POU6F2: variants seen among roughly 807,000 people sequenced by gnomAD.
POU6F2 encodes the protein POU class 6 homeobox 2.
Under a neutral mutation model 71.3 loss-of-function variants are expected in POU6F2, and 31 were observed. The ratio of observed to expected loss-of-function variants is 0.43; its 90% CI spans 0.33 to 0.59. The LOEUF is 0.59. Ranked by LOEUF, POU6F2 falls within the 20% of genes least tolerant of loss-of-function variation. The pLI is 0.04. For missense variants in POU6F2, 783 were observed against 856.8 expected, an observed-to-expected ratio of 0.91 and a Z score of 1.07; for synonymous variants, 347 against 355.7, an observed-to-expected ratio of 0.98 and a Z score of 0.27.
At chr7:39,438,296 A>G (rs997682627) in intron 7 of POU6F2, among the ~76,000 whole-genome samples, 8 of 152,150 alleles carry the variant, frequency 5.3e-5, no homozygotes, top group African/African-American at 1.9e-4. Flanking sequence ...TTGTGGCTGC[A>G]TAGTATTCCA....
At chr7:39,298,185 G>A (rs1006092464) in intron 4 of POU6F2, among the ~76,000 whole-genome samples, 1 of 152,202 alleles carries the variant, frequency 6.6e-6, no homozygotes. Context: ...AAACTAGAGA[G>A]CTTCTGCACA....
chr7:39,274,244 A>T (rs1784393348), intron 4 of POU6F2, among the ~76,000 whole-genome samples: 1 of 152,298 alleles, frequency 6.6e-6, no homozygotes, highest in East Asian at 1.9e-4. Flanking sequence ...CAGAAATACA[A>T]ACTACCATCA....
intron 2 of POU6F2, among the ~76,000 whole-genome samples, chr7:39,199,577 G>A (rs751331411): frequency 6.6e-6 from 1 of 152,284 alleles, no homozygotes; most frequent in East Asian, 1.9e-4. Flanking sequence ...CAGGGACTCA[G>A]CTTGAGCTGG....
chr7:39,377,747 C>G (rs1786739061), intron 5 of POU6F2, among the ~76,000 whole-genome samples: 1 of 152,140 alleles, frequency 6.6e-6, no homozygotes, highest in Non-Finnish European at 1.5e-5. Context: ...CCCAGAAATT[C>G]CCCCAAAGAA....
At chr7:39,159,429 T>C (rs1792942501) in intron 2 of POU6F2, among the ~76,000 whole-genome samples, 1 of 152,214 alleles carries the variant, frequency 6.6e-6, no homozygotes, top group Non-Finnish European at 1.5e-5. Context: ...CACCTGAATA[T>C]ATAATTAACC....
At chr7:39,338,246 G>A (rs1785823561) in intron 4 of POU6F2, among the ~76,000 whole-genome samples, 1 of 152,198 alleles carries the variant, frequency 6.6e-6, no homozygotes, top group African/African-American at 2.4e-5. Flanking sequence ...TCAGAATAGA[G>A]CAGGGCTCCC....
At chr7:39,370,012 G>A (rs912155239) in intron 5 of POU6F2, among the ~76,000 whole-genome samples, 6 of 152,122 alleles carry the variant, frequency 3.9e-5, no homozygotes, top group Non-Finnish European at 8.8e-5. Context: ...TAATGCTGTT[G>A]AACACTTCAT....
intron 5 of POU6F2, among the ~76,000 whole-genome samples, chr7:39,401,411 C>T (rs1351224650): frequency 1.3e-5 from 2 of 152,126 alleles, no homozygotes; most frequent in Admixed American, 1.3e-4. Context: ...TATAACACAA[C>T]AATAATGATG....
In POU6F2 at chr7:39,464,495, A is replaced by AACAC; in HGVS notation, c.1977_1980dup (p.Pro661ThrfsTer12). The AACAC allele has an allele frequency of 6.2e-7, 1 of 1,613,904 alleles. No individual in the cohort carries two copies. Among genetic ancestry groups the AACAC allele is most frequent in the Non-Finnish European group, 8.5e-7 (1 of 1,179,852 alleles). On this transcript the variant is annotated frameshift_variant, in exon 10 of 10. Transcript: ENST00000518318. LOFTEE classifies it high-confidence loss of function. This position sits in a 1 kb window ranked among gnomAD's most constrained non-coding sequence, Gnocchi z 4.1. ...GATCCTCAATGCCCACTTTGAGAAGAACACACACCCTTCTGGGCAGGAAAT... is the reference window on the plus strand; with the variant it reads ...GATCCTCAATGCCCACTTTGAGAAGAACACACACACACCCTTCTGGGCAGGAAAT...
At chr7:39,157,447 A>C (rs943226005) in intron 2 of POU6F2, among the ~76,000 whole-genome samples, 14 of 152,170 alleles carry the variant, frequency 9.2e-5, no homozygotes, top group African/African-American at 3.4e-4. Flanking sequence ...TTAAAAATAC[A>C]TTTAACATTA....
At chr7:39,144,823 T>G (rs1436921390) in intron 2 of POU6F2, among the ~76,000 whole-genome samples, 1 of 152,218 alleles carries the variant, frequency 6.6e-6, no homozygotes, top group East Asian at 1.9e-4. Flanking sequence ...TCCAGGGCAT[T>G]AGACACACTG....
At chr7:39,392,966 C>G (rs1787104975) in intron 5 of POU6F2, among the ~76,000 whole-genome samples, 1 of 152,226 alleles carries the variant, frequency 6.6e-6, no homozygotes, top group South Asian at 2.1e-4. Flanking sequence ...TCTCTTCTTC[C>G]TAAATGTAGA....
rs139375850 is a variant in POU6F2, at chr7:39,178,293, T to G, written c.278-25942T>G. On this transcript the variant is annotated intron_variant, in intron 2 of 9. Coordinates refer to ENST00000518318, the MANE Select transcript of POU6F2 (RefSeq NM_001370959.1). ...AAAACTTTCTTCAGATATAAACATT[T>G]TACTATTCCCCATTTTTATATGCCT... Among the ~76,000 whole-genome samples the G allele has an allele frequency of 1.8e-3, 277 of 152,232 alleles. 1 individual carries two copies. The highest frequency in any genetic ancestry group is 6.4e-3 in the African/African-American group (267 of 41,546).
At chr7:39,228,881 A>G (rs567779353) in intron 4 of POU6F2, among the ~76,000 whole-genome samples, 7 of 152,242 alleles carry the variant, frequency 4.6e-5, no homozygotes, top group African/African-American at 9.6e-5. Flanking sequence ...TGAGTTTGCA[A>G]TTGCTGTTCT....
In POU6F2 at chr7:38,986,323, A is replaced by T. The variant is rs190183925; in HGVS notation, c.105+8265A>T. 2.0e-5 allele frequency among the ~76,000 whole-genome samples: 3 copies of T among 152,228 alleles called. No individual in the cohort carries two copies. In the East Asian group the frequency reaches 5.8e-4, roughly 29 times the overall value. Reference sequence around the variant, plus strand: ...ACGCTCCCACCTCAGCCTCCTGAGTAGTACTTTGCAGCTGTTAAACATCAA... The same window carrying T: ...ACGCTCCCACCTCAGCCTCCTGAGTTGTACTTTGCAGCTGTTAAACATCAA... On this transcript the variant is annotated intron_variant, in intron 1 of 9. Coordinates refer to ENST00000518318, the MANE Select transcript of POU6F2 (RefSeq NM_001370959.1).
chr7:39,012,275 C>T (rs1426652647), intron 1 of POU6F2, among the ~76,000 whole-genome samples: 3 of 152,106 alleles, frequency 2.0e-5, no homozygotes, highest in Non-Finnish European at 4.4e-5. Flanking sequence ...TCATTCATTT[C>T]ATCTTCCATT....
chr7:38,984,402 G>A (rs995520909), intron 1 of POU6F2: 10 of 152,046 alleles, frequency 6.6e-5, no homozygotes, highest in African/African-American at 2.4e-4. Flanking sequence ...GGCAGGAAAG[G>A]GCACTGGAAA....
At chr7:39,096,972 T>C (rs1791467713) in intron 2 of POU6F2, among the ~76,000 whole-genome samples, 1 of 152,188 alleles carries the variant, frequency 6.6e-6, no homozygotes, top group African/African-American at 2.4e-5. Flanking sequence ...TGTGGAATTA[T>C]TTTTTAAATA....
At chr7:39,103,817 G>A (rs1791623026) in intron 2 of POU6F2, among the ~76,000 whole-genome samples, 1 of 152,158 alleles carries the variant, frequency 6.6e-6, no homozygotes, top group South Asian at 2.1e-4. Flanking sequence ...GCTTCACTTA[G>A]ATAAGACATT....
Sources: gnomAD v4.1 joint callset for allele counts (sites outside exome capture counted in the v4.1 genomes callset) on GRCh38, gnomAD v4.1.1 for gene constraint, Gnocchi (gnomAD v3.1) non-coding constraint, MANE v1.5 for transcripts, NCBI Gene and HGNC (gene_info 2026-07-23, HGNC 2026-07-21) for gene names.